NCOA1: variants seen among roughly 807,000 people sequenced by gnomAD.
NCOA1 encodes nuclear receptor coactivator 1.
In NCOA1, 35 loss-of-function variants were observed where a neutral mutation model predicts 150.9. That is an observed-to-expected ratio of 0.23 (90% confidence interval 0.18 to 0.31). NCOA1 has a LOEUF of 0.31. Ranked by LOEUF, NCOA1 falls within the 10% of genes least tolerant of loss-of-function variation. The probability of loss-of-function intolerance (pLI) is 1.00; values close to 1 mark genes in which losing one functional copy is unlikely to be tolerated. For missense variants in NCOA1, 1,491 were observed against 1,749.3 expected (o/e 0.85, Z 2.63); for synonymous variants, 590 against 630.0 (o/e 0.94, Z 0.95).
At chr2:24,609,462 T>TCAAAGAAC (rs1209621884) in intron 3 of NCOA1, among the ~76,000 whole-genome samples, 4 of 152,172 alleles carry the variant, frequency 2.6e-5, no homozygotes, top group Non-Finnish European at 5.9e-5. Context: ...AAAAGTCATT[T>TCAAAGAAC]CAAAGAACCA....
intron 6 of NCOA1, among the ~76,000 whole-genome samples, chr2:24,670,836 A>G (rs1054414251): frequency 2.0e-4 from 30 of 152,244 alleles, no homozygotes; most frequent in African/African-American, 6.3e-4. Context: ...TGTGTAAATT[A>G]TAGCTCAAGA....
intron 17 of NCOA1, among the ~76,000 whole-genome samples, chr2:24,737,874 T>C (rs1168451498): frequency 1.3e-5 from 2 of 152,372 alleles, no homozygotes; most frequent in East Asian, 1.9e-4. Flanking sequence ...ATCTTGAATG[T>C]ACTGAGTTTT....
intron 2 of NCOA1, among the ~76,000 whole-genome samples, chr2:24,583,483 G>A (rs1175448526): frequency 1.3e-5 from 2 of 152,104 alleles, no homozygotes; most frequent in Admixed American, 1.3e-4. Context: ...GCAAACCAGT[G>A]TGGATACTCC....
intron 1 of NCOA1, among the ~76,000 whole-genome samples, chr2:24,502,899 T>A (rs1228989605): frequency 6.6e-6 from 1 of 152,230 alleles, no homozygotes; most frequent in Non-Finnish European, 1.5e-5. Flanking sequence ...TTTATTTTCC[T>A]TGTTATTCGC....
At chr2:24,746,875 A>C (rs943131571) in intron 19 of NCOA1, among the ~76,000 whole-genome samples, 4 of 152,176 alleles carry the variant, frequency 2.6e-5, no homozygotes, top group African/African-American at 9.7e-5. Context: ...GTAGTTGATA[A>C]TGAGGACAGT....
chr2:24,511,481 A>G (rs532250133), intron 1 of NCOA1, among the ~76,000 whole-genome samples: 3 of 152,290 alleles, frequency 2.0e-5, no homozygotes, highest in Non-Finnish European at 2.9e-5. Context: ...CCTAATGACT[A>G]TGTTGAATAG....
intron 17 of NCOA1, 96 bp from the exon 18 acceptor site, chr2:24,739,336 A>T (rs975711043): frequency 2.2e-6 from 2 of 894,912 alleles, no homozygotes; most frequent in Non-Finnish European, 3.6e-6. Flanking sequence ...CAACACTAAA[A>T]CTTTTTAGTA....
At chr2:24,727,900 CAATT>C (rs999956264) in intron 15 of NCOA1, among the ~76,000 whole-genome samples, 4 of 152,220 alleles carry the variant, frequency 2.6e-5, no homozygotes, top group African/African-American at 4.8e-5. Context: ...CAGTTATTAA[CAATT>C]AATGGCATTC....
At chr2:24,765,348 A>T (rs112719143) in intron 22 of NCOA1, among the ~76,000 whole-genome samples, 8 of 151,724 alleles carry the variant, frequency 5.3e-5, no homozygotes, top group Non-Finnish European at 7.4e-5. Context: ...TACAAAAAAA[A>T]ATTAGCCAGG....
chr2:24,595,359 C>T (rs1407038219), intron 3 of NCOA1, among the ~76,000 whole-genome samples: 1 of 151,972 alleles, frequency 6.6e-6, no homozygotes, highest in Admixed American at 6.6e-5. Context: ...TTTCATGGAC[C>T]ACTTCAGAGG....
At chr2:24,514,285 CAAAA>C (rs57412614) in intron 1 of NCOA1, among the ~76,000 whole-genome samples, 3 of 32,958 alleles carry the variant, frequency 9.1e-5, no homozygotes, top group African/African-American at 4.0e-4. Flanking sequence ...GACTCTGTCT[CAAAA>C]AAAAAAAAAA....
intron 22 of NCOA1, among the ~76,000 whole-genome samples, chr2:24,767,563 A>G (rs1665131988): frequency 6.6e-6 from 1 of 152,240 alleles, no homozygotes; most frequent in South Asian, 2.1e-4. Flanking sequence ...AGGCTAATAG[A>G]CGTACTGTTA....
At chr2:24,591,678 A>G (rs1364126664) in intron 3 of NCOA1, among the ~76,000 whole-genome samples, 2 of 152,114 alleles carry the variant, frequency 1.3e-5, no homozygotes, top group Non-Finnish European at 2.9e-5. Context: ...GAATTGATGC[A>G]TCTACTCTTC....
rs1018409254 is a variant in NCOA1 at position 24,758,168 on chromosome 2, ACT to A, written c.4065+14_4065+15del. The A allele has an allele frequency of 1.3e-6, 2 of 1,599,644 alleles. No individual in the cohort carries two copies. Among genetic ancestry groups the A allele is most frequent in the African/African-American group, 2.7e-5 (2 of 74,814 alleles). On this transcript the variant is annotated intron_variant, in intron 21 of 22. Transcript: ENST00000348332. ...TGTGCCCTGAGCAGGTAAGTGGCACACTCGCCACACACATGCCACACCACATC... is the reference window on the plus strand; with the variant it reads ...TGTGCCCTGAGCAGGTAAGTGGCACACGCCACACACATGCCACACCACATC...
chr2:24,682,113 A>G (rs1333510432), intron 7 of NCOA1, among the ~76,000 whole-genome samples: 1 of 152,182 alleles, frequency 6.6e-6, no homozygotes, highest in Non-Finnish European at 1.5e-5. Context: ...GTATGATCCA[A>G]AGGATTTTTA....
At chr2:24,499,842 G>A (rs928035012) in intron 1 of NCOA1, among the ~76,000 whole-genome samples, 3 of 152,202 alleles carry the variant, frequency 2.0e-5, no homozygotes, top group East Asian at 1.9e-4. Flanking sequence ...CCTAGCCAAC[G>A]TTACTCGTTA....
chr2:24,731,371 T>C (rs1482935181), intron 17 of NCOA1, among the ~76,000 whole-genome samples: 1 of 152,198 alleles, frequency 6.6e-6, no homozygotes, highest in African/African-American at 2.4e-5. Flanking sequence ...AAAGAACTCC[T>C]TTCCCTCACT....
intron 3 of NCOA1, among the ~76,000 whole-genome samples, chr2:24,595,349 T>G (rs1667843783): frequency 6.6e-6 from 1 of 152,086 alleles, no homozygotes; most frequent in Admixed American, 6.6e-5. Context: ...CTTACATGAG[T>G]TTCATGGACC....
In NCOA1 at chr2:24,665,821, T is replaced by C. The variant is rs1193477630; in HGVS notation, c.162T>C (p.Ile54=). The C allele has an allele frequency of 6.2e-7, 1 of 1,606,324 alleles. No homozygotes were observed. The highest frequency in any genetic ancestry group is 2.3e-5 in the East Asian group (1 of 44,400). The change falls in exon 6 of 23, where the codon ATT becomes ATC. Residue 54 remains isoleucine, a synonymous_variant. Coordinates refer to ENST00000348332, the MANE Select transcript of NCOA1 (RefSeq NM_003743.5). ...EELAELLSAN[I]SDIDSLSVKP... ...TAGCTGAGTTACTGTCTGCCAACATTAGTGACATTGACAGCTTGAGTGTAA... is the reference window on the plus strand; with the variant it reads ...TAGCTGAGTTACTGTCTGCCAACATCAGTGACATTGACAGCTTGAGTGTAA...
Sources: allele counts gnomAD v4.1 joint callset (sites outside exome capture counted in the v4.1 genomes callset), GRCh38; gene constraint gnomAD v4.1.1; transcripts MANE v1.5; gene names NCBI Gene and HGNC (gene_info 2026-07-23, HGNC 2026-07-21).